PLCB1: variants seen among roughly 807,000 people sequenced by gnomAD.
The protein encoded by PLCB1 is 1-phosphatidylinositol 4,5-bisphosphate phosphodiesterase beta-1.
PLCB1 carries 46 observed loss-of-function variants against 161.8 expected under a neutral mutation model. That is an observed-to-expected ratio of 0.28 (90% CI 0.22 to 0.36). The LOEUF is 0.36. Ranked by LOEUF, PLCB1 falls within the 10% of genes least tolerant of loss-of-function variation. The pLI is 1.00. For missense variants in PLCB1, 1,016 were observed against 1,472.5 expected, an observed-to-expected ratio of 0.69 and a Z score of 5.07; for synonymous variants, 517 against 503.7, an observed-to-expected ratio of 1.03 and a Z score of -0.35.
intron 2 of PLCB1, among the ~76,000 whole-genome samples, chr20:8,299,788 G>T (rs529685955): frequency 1.3e-5 from 2 of 152,022 alleles, no homozygotes; most frequent in East Asian, 1.9e-4. Flanking sequence ...TCACCACCAC[G>T]TCCTGTTGAT....
At chr20:8,307,079 CG>C (rs1404565872) in intron 2 of PLCB1, among the ~76,000 whole-genome samples, 6 of 152,168 alleles carry the variant, frequency 3.9e-5, no homozygotes, top group Non-Finnish European at 5.9e-5. Flanking sequence ...TGATGTAAAA[CG>C]GGACATTTAG....
At chr20:8,756,926 T>A in intron 23 of PLCB1, 120 bp from the exon 24 acceptor site, 1 of 922,956 alleles carries the variant, frequency 1.1e-6, no homozygotes, top group Non-Finnish European at 1.6e-6. Flanking sequence ...AGTATCAAAT[T>A]TGATATTTCC....
At chr20:8,479,201 T>C (rs1431945158) in intron 3 of PLCB1, among the ~76,000 whole-genome samples, 1 of 152,176 alleles carries the variant, frequency 6.6e-6, no homozygotes, top group Non-Finnish European at 1.5e-5. Context: ...AGAATGCTAA[T>C]TGGTAACAAA....
At chr20:8,629,850 T>C (rs1988487700) in intron 4 of PLCB1, among the ~76,000 whole-genome samples, 1 of 98,114 alleles carries the variant, frequency 1.0e-5, no homozygotes, top group Admixed American at 1.2e-4. Flanking sequence ...TCTTTCTTTC[T>C]TTCTTTCTTT....
At chr20:8,324,199 GGTGTGTGTGTGTGTGTGT>G (rs60079589) in intron 2 of PLCB1, among the ~76,000 whole-genome samples, 37,305 of 147,056 alleles carry the variant, frequency 0.25, 4,790 homozygotes, top group South Asian at 0.45. Context: ...AACTGGTAGG[GGTGTGTGTGTGTGTGTGT>G]GTGTGTGTGT....
intron 31 of PLCB1, among the ~76,000 whole-genome samples, chr20:8,815,536 G>C (rs1004262689): frequency 2.0e-5 from 3 of 152,124 alleles, no homozygotes; most frequent in African/African-American, 7.3e-5. Flanking sequence ...AGGTGGTGTT[G>C]ACACAATTGG....
chr20:8,558,547 T>A (rs1986040106), intron 3 of PLCB1, among the ~76,000 whole-genome samples: 1 of 151,658 alleles, frequency 6.6e-6, no homozygotes, highest in Non-Finnish European at 1.5e-5. Context: ...TGTAAAACTC[T>A]CAAAGTTGAT....
rs76904869 is a variant in PLCB1 at position 8,519,970 on chromosome 20, A to C, written c.247-108324A>C. Among the ~76,000 whole-genome samples, 1,458 of 152,232 alleles carry C rather than the reference A, an allele frequency of 9.6e-3. 17 individuals carry two copies. Among genetic ancestry groups the C allele is most frequent in the African/African-American group, 0.03 (1,240 of 41,538 alleles). On this transcript the variant is annotated intron_variant, in intron 3 of 31. Coordinates refer to ENST00000338037, the MANE Select transcript of PLCB1 (RefSeq NM_015192.4). ...AAGAAATTCTGACTCAGGCTACTTA[A>C]TGTAGTTTCTTTTTTAAAGCATGAA...
In PLCB1 at chr20:8,476,874, A is replaced by C. The variant is rs115921133; in HGVS notation, c.246+105424A>C. Reference sequence around the variant, plus strand: ...TATCACCAGAAGCTTAAAATGATGGAAAGGAGGCTCCCACCCCATCATATA... The same window carrying C: ...TATCACCAGAAGCTTAAAATGATGGCAAGGAGGCTCCCACCCCATCATATA... On this transcript the variant is annotated intron_variant, in intron 3 of 31. Transcript: ENST00000338037. 6.8e-3 allele frequency among the ~76,000 whole-genome samples: 1,030 copies of C among 152,270 alleles called. 10 individuals are homozygous for C. Among genetic ancestry groups the C allele is most frequent in the African/African-American group, 0.022 (915 of 41,542 alleles).
At chr20:8,684,073 A>G (rs1160423763) in intron 9 of PLCB1, among the ~76,000 whole-genome samples, 2 of 151,494 alleles carry the variant, frequency 1.3e-5, no homozygotes, top group Admixed American at 1.3e-4. Context: ...TTTAGTAGAG[A>G]CGAGGTTTCA....
At chr20:8,536,906 A>C (rs1985075877) in intron 3 of PLCB1, among the ~76,000 whole-genome samples, 1 of 152,232 alleles carries the variant, frequency 6.6e-6, no homozygotes, top group Non-Finnish European at 1.5e-5. Flanking sequence ...CTACCACAGC[A>C]AAGAACATTT....
At chr20:8,647,845 GA>G (rs987377359) in intron 5 of PLCB1, 54 bp from the exon 6 acceptor site, 34 of 1,406,442 alleles carry the variant, frequency 2.4e-5, no homozygotes, top group Admixed American at 6.8e-5. Context: ...TATTGTTCAA[GA>G]AAAAAAAGCT....
intron 2 of PLCB1, among the ~76,000 whole-genome samples, chr20:8,158,510 T>C (rs1908546515): frequency 6.6e-6 from 1 of 152,110 alleles, no homozygotes; most frequent in Admixed American, 6.5e-5. Flanking sequence ...CCCTGGAGCT[T>C]CCCAAATCTC....
chr20:8,272,241 T>C (rs764602008), intron 2 of PLCB1, among the ~76,000 whole-genome samples: 1 of 152,076 alleles, frequency 6.6e-6, no homozygotes, highest in Non-Finnish European at 1.5e-5. Context: ...TATTGGTAAG[T>C]AGAGTTATTA....
At chr20:8,262,612 T>G in intron 2 of PLCB1, among the ~76,000 whole-genome samples, 1 of 152,312 alleles carries the variant, frequency 6.6e-6, no homozygotes, top group Non-Finnish European at 1.5e-5. Flanking sequence ...ATACCCAGCT[T>G]CATTATCTGA....
chr20:8,677,833 A>G (rs1177159785), intron 9 of PLCB1, among the ~76,000 whole-genome samples: 1 of 152,224 alleles, frequency 6.6e-6, no homozygotes, highest in African/African-American at 2.4e-5. Context: ...TGCAAGCCTC[A>G]AGAAACTTAA....
chr20:8,619,860 A>G (rs1988130306), intron 3 of PLCB1, among the ~76,000 whole-genome samples: 3 of 152,254 alleles, frequency 2.0e-5, no homozygotes, highest in Admixed American at 6.5e-5. Flanking sequence ...ACAAATATAC[A>G]TACTGATCGA....
intron 26 of PLCB1, among the ~76,000 whole-genome samples, chr20:8,768,550 G>C (rs1982494949): frequency 6.6e-6 from 1 of 152,178 alleles, no homozygotes; most frequent in South Asian, 2.1e-4. Context: ...CCCAGTACAT[G>C]TGCTAATCAC....
chr20:8,699,291 G>A (rs958909154), intron 11 of PLCB1, among the ~76,000 whole-genome samples: 1 of 152,178 alleles, frequency 6.6e-6, no homozygotes, highest in Admixed American at 6.5e-5. Context: ...GTGGAGACAA[G>A]GCCATTGAAC....
Sources: allele counts gnomAD v4.1 joint callset (sites outside exome capture counted in the v4.1 genomes callset), GRCh38; gene constraint gnomAD v4.1.1; transcripts MANE v1.5; gene names NCBI Gene and HGNC (gene_info 2026-07-23, HGNC 2026-07-21).